IQSEC1: variants seen among roughly 807,000 people sequenced by gnomAD.
IQSEC1 encodes IQ motif and Sec7 domain ArfGEF 1.
A neutral mutation model predicts 91.0 loss-of-function variants in IQSEC1; 31 were observed. The ratio of observed to expected loss-of-function variants is 0.34; its 90% CI spans 0.26 to 0.46. The LOEUF is 0.46. Ranked by LOEUF, IQSEC1 falls within the 20% of genes least tolerant of loss-of-function variation. The pLI is 1.00. For missense variants in IQSEC1, 1,388 were observed against 1,575.6 expected (o/e 0.88, Z 2.02); for synonymous variants, 699 against 662.6 (o/e 1.05, Z -0.84).
rs759830414 is a variant in IQSEC1 at position 12,900,902 on chromosome 3, G to T, written c.*81C>A. ...ATGGCAACAGAAGTGCCCCGGGTTT[G>T]GTGTGCGGCTGGCGACCCCCGGGCG... On this transcript the variant is annotated 3_prime_UTR_variant, in exon 14 of 14. Coordinates refer to ENST00000613206, the MANE Select transcript of IQSEC1 (RefSeq NM_001134382.3). 20 of 1,535,626 alleles carry T rather than the reference G, an allele frequency of 1.3e-5. No individual in the cohort carries two copies. Among genetic ancestry groups the T allele is most frequent in the Non-Finnish European group, 1.7e-6 (2 of 1,146,446 alleles).
intron 1 of IQSEC1, among the ~76,000 whole-genome samples, chr3:12,964,994 G>C (rs1309755885): frequency 6.6e-6 from 1 of 152,184 alleles, no homozygotes; most frequent in Non-Finnish European, 1.5e-5. Context: ...AGCGCAACCA[G>C]TTCATAGTCC....
intron 2 of IQSEC1, among the ~76,000 whole-genome samples, chr3:13,087,365 G>A (rs1165027655): frequency 1.3e-5 from 2 of 152,182 alleles, no homozygotes; most frequent in Admixed American, 1.3e-4. Flanking sequence ...TTGCCTCTTG[G>A]TGCAGGAGAG....
intron 1 of IQSEC1, among the ~76,000 whole-genome samples, chr3:13,164,159 G>C (rs1205533296): frequency 6.6e-6 from 1 of 152,076 alleles, no homozygotes; most frequent in Non-Finnish European, 1.5e-5. Context: ...CACACGCTTA[G>C]AGCCCAGAAC....
At chr3:13,055,180 C>T (rs953596923) in intron 1 of IQSEC1, among the ~76,000 whole-genome samples, 12 of 152,222 alleles carry the variant, frequency 7.9e-5, no homozygotes, top group South Asian at 2.1e-4. Flanking sequence ...GCCAAACTGC[C>T]CTGCCCAGGA....
intron 1 of IQSEC1, among the ~76,000 whole-genome samples, chr3:13,239,912 G>A (rs531457984): frequency 1.3e-5 from 2 of 152,338 alleles, no homozygotes; most frequent in South Asian, 4.1e-4. Flanking sequence ...TGGGGACAGG[G>A]TTCAGTTTGG....
chr3:13,041,317 G>C (rs1381274559), intron 1 of IQSEC1, among the ~76,000 whole-genome samples: 2 of 152,060 alleles, frequency 1.3e-5, no homozygotes, highest in Admixed American at 1.3e-4. Context: ...CGCAGGACAG[G>C]CCTCTCTCGC....
intron 3 of IQSEC1, among the ~76,000 whole-genome samples, chr3:12,926,243 C>T (rs796488795): frequency 1.3e-4 from 20 of 151,690 alleles, no homozygotes; most frequent in African/African-American, 4.8e-4. Context: ...TCGGGAGGCG[C>T]AGGTTACGGT....
chr3:13,165,526 TGGGGGG>T, intron 1 of IQSEC1, among the ~76,000 whole-genome samples: 1 of 22,502 alleles, frequency 4.4e-5, no homozygotes, highest in African/African-American at 1.8e-4. Flanking sequence ...GGGTGGGGGG[TGGGGGG>T]GTGGCGTGTG....
At position 13,132,709 on chromosome 3, in the gene IQSEC1, G is replaced by C. The variant is rs867333114; in HGVS notation, c.302+31395C>G. Among the ~76,000 whole-genome samples the C allele has an allele frequency of 4.1e-4, 62 of 152,224 alleles. 1 individual carries two copies. The highest frequency in any genetic ancestry group is 3.4e-3 in the Middle Eastern group (1 of 294). ...CAGGGATTCATTGTCTGATGTCCAG[G>C]GTGTTGAAAACTTGTTCCATGCATC... is the stretch of plus-strand genomic sequence containing the variant. On this transcript the variant is annotated intron_variant, in intron 2 of 15. Transcript: ENST00000648114.
At chr3:13,210,355 A>C (rs901802009) in intron 1 of IQSEC1, among the ~76,000 whole-genome samples, 2 of 152,056 alleles carry the variant, frequency 1.3e-5, no homozygotes, top group African/African-American at 4.8e-5. Flanking sequence ...CTAGCCCCGC[A>C]CACTCATTGC....
intron 3 of IQSEC1, among the ~76,000 whole-genome samples, chr3:12,934,476 C>T (rs1697984490): frequency 6.6e-6 from 1 of 152,148 alleles, no homozygotes; most frequent in Non-Finnish European, 1.5e-5. Context: ...TTTGAGGTGG[C>T]CAGGTCCCAC....
intron 2 of IQSEC1, among the ~76,000 whole-genome samples, chr3:13,160,916 T>C (rs1707161475): frequency 6.6e-6 from 1 of 152,056 alleles, no homozygotes; most frequent in Admixed American, 6.5e-5. Context: ...GCTTAAGTCA[T>C]TTGGACACAA....
In IQSEC1 at chr3:13,073,219, G is replaced by T. The variant is rs1705495053; in HGVS notation, c.-205C>A. On this transcript the variant is annotated 5_prime_UTR_variant, in exon 1 of 14. Transcript: ENST00000613206. The stretch of plus-strand genomic sequence containing the variant: ...CGGCGCCAGCAGCGGGCTGTGGAGG[G>T]CCCTGGCACGTAGCGCGCGCTCACA... The T allele has an allele frequency of 4.8e-6, 3 of 629,310 alleles. No homozygotes were observed. Among genetic ancestry groups the T allele is most frequent in the East Asian group, 2.8e-5 (1 of 35,876 alleles). The allele number at this position is 629,310 out of a possible 1,614,324, so 39.0% of individuals were successfully genotyped here. A position where few individuals can be genotyped will look rare whatever the true frequency, so the allele number is the denominator to read the frequency against.
intron 1 of IQSEC1, among the ~76,000 whole-genome samples, chr3:13,234,600 G>A (rs921105450): frequency 3.9e-5 from 6 of 152,058 alleles, no homozygotes; most frequent in African/African-American, 9.7e-5. Context: ...GGGCTGGTAC[G>A]AGAAAAAGAG....
At chr3:13,237,333 G>A (rs1694949020) in intron 1 of IQSEC1, among the ~76,000 whole-genome samples, 1 of 152,202 alleles carries the variant, frequency 6.6e-6, no homozygotes, top group African/African-American at 2.4e-5. Context: ...CATCCTCCGA[G>A]GCTCTGGACA....
intron 1 of IQSEC1, among the ~76,000 whole-genome samples, chr3:13,200,912 G>C (rs9849803): frequency 0.068 from 10,377 of 152,184 alleles, 720 homozygotes; most frequent in East Asian, 0.3. Context: ...AGAAGGGTGA[G>C]TTAACAGTGG....
At chr3:13,117,206 G>A (rs1341032196) in intron 2 of IQSEC1, among the ~76,000 whole-genome samples, 1 of 146,810 alleles carries the variant, frequency 6.8e-6, no homozygotes, top group Non-Finnish European at 1.5e-5. Flanking sequence ...TGGCCCATAG[G>A]CACATGAGAT....
chr3:13,199,572 G>C (rs1242620814), intron 1 of IQSEC1, among the ~76,000 whole-genome samples: 1 of 152,004 alleles, frequency 6.6e-6, no homozygotes, highest in African/African-American at 2.4e-5. Context: ...TCGCCCCTCC[G>C]CTCCTTCCCA....
chr3:13,202,909 G>A (rs77541229), intron 1 of IQSEC1, among the ~76,000 whole-genome samples: 1 of 152,180 alleles, frequency 6.6e-6, no homozygotes, highest in African/African-American at 2.4e-5. Context: ...GCCATTCTGA[G>A]CATGCTACAT....
Sources: gnomAD v4.1 joint callset for allele counts (sites outside exome capture counted in the v4.1 genomes callset) on GRCh38, gnomAD v4.1.1 for gene constraint, MANE v1.5 for transcripts, NCBI Gene and HGNC (gene_info 2026-07-23, HGNC 2026-07-21) for gene names.